Variants in DNAH11 observed in about 807,000 individuals in gnomAD.
DNAH11 encodes dynein axonemal heavy chain 11, also known as axonemal beta dynein heavy chain 11.
Under a neutral mutation model 526.0 loss-of-function variants are expected in DNAH11, and 442 were observed. The ratio of observed to expected loss-of-function variants is 0.84; its 90% CI spans 0.78 to 0.91. DNAH11 has a LOEUF of 0.91. Among genes scored for constraint, DNAH11 ranks in the 40% least tolerant of loss-of-function variants. The pLI, the probability that DNAH11 is intolerant of heterozygous loss-of-function variation, is 0.00. For missense variants in DNAH11, 6,989 were observed against 5,448.7 expected (o/e 1.28, Z -8.90); for synonymous variants, 2,461 against 1,935.9 (o/e 1.27, Z -7.12).
At position 21,600,069 on chromosome 7, in the gene DNAH11, T is replaced by A; in HGVS notation, c.2950T>A (p.Ser984Thr). ...EEMLCNSFRM[S>T]AQMNRIATHL... ...AATGTTATGCAATAGTTTTAGAATG[T>A]CTGCCCAGATGAACCGAATAGCAAC... The change falls in exon 15 of 82, where the codon TCT becomes ACT. Residue 984 changes from serine to threonine, a missense_variant. Transcript: ENST00000409508. The A allele has an allele frequency of 6.3e-7, 1 of 1,596,512 alleles. No individual in the cohort carries two copies. Among genetic ancestry groups the A allele is most frequent in the Non-Finnish European group, 8.6e-7 (1 of 1,169,180 alleles).
At chr7:21,771,734 C>G (rs1245263047) in intron 55 of DNAH11, among the ~76,000 whole-genome samples, 1 of 152,046 alleles carries the variant, frequency 6.6e-6, no homozygotes, top group Admixed American at 6.6e-5. Context: ...GAGGCCAAAT[C>G]TAGCAGGAAT....
intron 14 of DNAH11, among the ~76,000 whole-genome samples, chr7:21,593,019 A>G (rs1308954710): frequency 6.6e-6 from 1 of 152,182 alleles, no homozygotes; most frequent in Non-Finnish European, 1.5e-5. Flanking sequence ...ATTGAGATTT[A>G]TGCACATATG....
chr7:21,785,389 T>G (rs1788128664), intron 58 of DNAH11, among the ~76,000 whole-genome samples: 1 of 152,230 alleles, frequency 6.6e-6, no homozygotes, highest in African/African-American at 2.4e-5. Flanking sequence ...GAACTCTGAT[T>G]ATTATGCATT....
intron 44 of DNAH11, among the ~76,000 whole-genome samples, chr7:21,722,467 A>G (rs546474196): frequency 1.3e-5 from 2 of 152,336 alleles, no homozygotes; most frequent in East Asian, 1.9e-4. Context: ...AGAGTGACCT[A>G]TATTTCTGTT....
chr7:21,862,013 T>A lies in DNAH11; in HGVS notation c.11363T>A (p.Met3788Lys). The change falls in exon 69 of 82, where the codon ATG becomes AAG. Residue 3788 changes from methionine to lysine, a missense_variant. Coordinates refer to ENST00000409508, the MANE Select transcript of DNAH11 (RefSeq NM_001277115.2). The stretch of plus-strand genomic sequence containing the variant: ...GACAAGCTCACCTTCCTGTCCCAGA[T>A]GGCTTTTCAGGTAAGGAGATCAGTT... ...EKDKLTFLSQ[M>K]AFQILLRKKE... 6.2e-7 allele frequency: 1 copy of A among 1,612,044 alleles called. No homozygotes were observed. Among genetic ancestry groups the A allele is most frequent in the Non-Finnish European group, 8.5e-7 (1 of 1,179,028 alleles).
At chr7:21,677,957 A>G (rs190125570) in intron 30 of DNAH11, among the ~76,000 whole-genome samples, 266 of 152,272 alleles carry the variant, frequency 1.7e-3, no homozygotes, top group African/African-American at 6.2e-3. Flanking sequence ...TTCCTTATAT[A>G]TTTTAGATAT....
chr7:21,615,325 T>C (rs554595630), intron 21 of DNAH11, 53 bp downstream of exon 21: 10 of 1,587,620 alleles, frequency 6.3e-6, no homozygotes, highest in South Asian at 4.6e-5. Flanking sequence ...CTTTTACATA[T>C]GCAGTTTGTG....
intron 42 of DNAH11, among the ~76,000 whole-genome samples, 190 bp downstream of exon 42, chr7:21,712,050 C>T (rs1784483331): frequency 1.3e-5 from 2 of 152,178 alleles, no homozygotes; most frequent in Admixed American, 1.3e-4. Flanking sequence ...TCCCCTCCTC[C>T]CAGCTCTTGG....
At chr7:21,830,327 T>C (rs545235237) in intron 65 of DNAH11, among the ~76,000 whole-genome samples, 1 of 152,308 alleles carries the variant, frequency 6.6e-6, no homozygotes, top group African/African-American at 2.4e-5. Flanking sequence ...AAATTATAGA[T>C]CTCAGATGAG....
At position 21,567,373 on chromosome 7, in the gene DNAH11, C is replaced by T. The variant is rs189433011; in HGVS notation, c.1195-2696C>T. Among the ~76,000 whole-genome samples, 13 of 152,304 alleles carry T rather than the reference C, an allele frequency of 8.5e-5. No homozygotes were observed. The East Asian group carries it at 2.5e-3, about 29-fold the overall frequency. On this transcript the variant is annotated intron_variant, in intron 6 of 81. Transcript: ENST00000409508. ...AGTTTTTGTGAAAATTCAAGCCCTT[C>T]CTATGTTACATATTAGAGGTCATAA...
intron 66 of DNAH11, among the ~76,000 whole-genome samples, chr7:21,847,532 G>C (rs1451288661): frequency 6.6e-6 from 1 of 152,076 alleles, no homozygotes; most frequent in Non-Finnish European, 1.5e-5. Flanking sequence ...ATTTTGTTGT[G>C]GTCTGGAACA....
chr7:21,568,597 G>A (rs1430320815), intron 6 of DNAH11, among the ~76,000 whole-genome samples: 1 of 152,166 alleles, frequency 6.6e-6, no homozygotes, highest in Admixed American at 6.5e-5. Flanking sequence ...ATCTTAGGAG[G>A]CCTTACTCAA....
chr7:21,852,920 A>G (rs763525708), intron 67 of DNAH11, among the ~76,000 whole-genome samples: 11 of 152,194 alleles, frequency 7.2e-5, no homozygotes, highest in Admixed American at 5.9e-4. Context: ...GCTGGCTTCT[A>G]TGGCTGAAAA....
In DNAH11 at chr7:21,900,050, C is replaced by G. The variant is rs1367102836; in HGVS notation, c.13233C>G (p.Thr4411=). 4 of 1,613,492 alleles carry G rather than the reference C, an allele frequency of 2.5e-6. No individual in the cohort carries two copies. The highest frequency in any genetic ancestry group is 1.3e-5 in the African/African-American group (1 of 74,812). ...AAACGCGCTTGACTGCTGATGTTAC[C>G]AAAAAAACAAAGGAAGATTATGGAC... ...LDKTRLTADV[T]KKTKEDYGHP... The change falls in exon 81 of 82, where the codon ACC becomes ACG. Residue 4411 remains threonine, a synonymous_variant. Coordinates refer to ENST00000409508, the MANE Select transcript of DNAH11 (RefSeq NM_001277115.2).
At chr7:21,880,269 TG>T (rs1335949302) in intron 74 of DNAH11, among the ~76,000 whole-genome samples, 2 of 152,160 alleles carry the variant, frequency 1.3e-5, no homozygotes, top group African/African-American at 4.8e-5. Context: ...AGGGTGTCCA[TG>T]TGCCCAGAGA....
At chr7:21,833,275 TTAAGCAAGTGAGGAAA>T (rs1781858764) in intron 65 of DNAH11, among the ~76,000 whole-genome samples, 1 of 152,242 alleles carries the variant, frequency 6.6e-6, no homozygotes, top group African/African-American at 2.4e-5. Context: ...GTGAAAATTC[TTAAGCAAGTGAGGAAA>T]TATTCAAACA....
rs775909315 is a variant in DNAH11, at chr7:21,710,533, T to C, written c.6684-20T>C. ...AATCTATCGTAGAAATAAACAGCAC[T>C]CAACTACATTATATATTAGGATTGT... On this transcript the variant is annotated intron_variant, in intron 40 of 81. Transcript: ENST00000409508. 6.4e-7 allele frequency: 1 copy of C among 1,570,102 alleles called. No individual in the cohort carries two copies. Among genetic ancestry groups the C allele is most frequent in the South Asian group, 1.2e-5 (1 of 84,614 alleles).
At chr7:21,612,723 G>C (rs905301064) in intron 20 of DNAH11, among the ~76,000 whole-genome samples, 1 of 152,072 alleles carries the variant, frequency 6.6e-6, no homozygotes, top group African/African-American at 2.4e-5. Context: ...TAAAGGCATA[G>C]TATGAGAAAG....
intron 70 of DNAH11, among the ~76,000 whole-genome samples, chr7:21,866,073 T>C (rs1467910065): frequency 6.6e-6 from 1 of 152,092 alleles, no homozygotes; most frequent in Non-Finnish European, 1.5e-5. Context: ...ACTTCCTATC[T>C]CATCCTGTGA....
Sources: gnomAD v4.1 joint callset for allele counts (sites outside exome capture counted in the v4.1 genomes callset) on GRCh38, gnomAD v4.1.1 for gene constraint, MANE v1.5 for transcripts, NCBI Gene and HGNC (gene_info 2026-07-23, HGNC 2026-07-21) for gene names.